Variants in TYK2 observed in about 807,000 individuals in gnomAD.
TYK2 encodes tyrosine kinase 2, also known as non-receptor tyrosine-protein kinase TYK2.
TYK2 carries 65 observed loss-of-function variants against 130.9 expected under a neutral mutation model. The ratio of observed to expected loss-of-function variants is 0.50; its 90% CI spans 0.41 to 0.61. TYK2 has a LOEUF of 0.61. TYK2 is among the 20% of genes least tolerant of loss of function. TYK2 has a pLI of 0.00. For synonymous variants in TYK2, 647 were observed against 658.9 expected, an observed-to-expected ratio of 0.98 and a Z score of 0.28; for missense variants, 1,378 against 1,610.7, an observed-to-expected ratio of 0.86 and a Z score of 2.47.
intron 3 of TYK2, among the ~76,000 whole-genome samples, chr19:10,369,178 G>C (rs994020345): frequency 2.6e-5 from 4 of 152,024 alleles, no homozygotes; most frequent in Admixed American, 2.6e-4. Context: ...ATCCTAGCCT[G>C]ACCCACATAA....
At chr19:10,357,262 G>A in intron 17 of TYK2, 1 of 546,580 alleles carries the variant, frequency 1.8e-6, no homozygotes, top group Non-Finnish European at 3.3e-6. Context: ...GGTGGCATGT[G>A]CCTGTAATCC....
intron 3 of TYK2, among the ~76,000 whole-genome samples, chr19:10,375,712 C>T (rs1421674208): frequency 2.1e-5 from 3 of 141,910 alleles, no homozygotes; most frequent in Non-Finnish European, 4.5e-5. Context: ...GTCAGGAGAT[C>T]AAGACCATCC....
At chr19:10,370,592 T>C (rs929830327) in intron 3 of TYK2, among the ~76,000 whole-genome samples, 1 of 149,692 alleles carries the variant, frequency 6.7e-6, no homozygotes, top group South Asian at 2.1e-4. Flanking sequence ...CTGAGGCAGG[T>C]GAAGCACTTG....
At chr19:10,363,093 C>T (rs981287964) in intron 9 of TYK2, among the ~76,000 whole-genome samples, 16 of 151,860 alleles carry the variant, frequency 1.1e-4, no homozygotes, top group African/African-American at 3.6e-4. Flanking sequence ...CCAGCCTGGT[C>T]TCAAATTCCT....
At chr19:10,376,848 A>T (rs1172182538) in intron 3 of TYK2, among the ~76,000 whole-genome samples, 1 of 145,332 alleles carries the variant, frequency 6.9e-6, no homozygotes, top group African/African-American at 2.6e-5. Context: ...GTGATCCACC[A>T]GCCTCAGCCT....
rs1222927505 is a variant in TYK2, at chr19:10,361,762, C to T, written c.1959+8G>A. On this transcript the variant is annotated splice_region_variant and intron_variant, in intron 13 of 24. Transcript: ENST00000525621. This position sits in a 1 kb window ranked among gnomAD's most constrained non-coding sequence, Gnocchi z 4.0. ...GACACACCCCCAGGCCTGGCCCTGC[C>T]CACTCACCAGGGCGATGTCATGGTG... 3 of 1,612,912 alleles carry T rather than the reference C, an allele frequency of 1.9e-6. No individual in the cohort carries two copies. The highest frequency in any genetic ancestry group is 2.5e-6 in the Non-Finnish European group (3 of 1,179,898).
At chr19:10,366,369 G>A (rs1222774417) in intron 6 of TYK2, 48 bp downstream of exon 6, 3 of 1,586,880 alleles carry the variant, frequency 1.9e-6, no homozygotes, top group Non-Finnish European at 2.6e-6. Context: ...CAGATGCTCA[G>A]GACATTTCCC....
chr19:10,377,568 GTGGGTGGGTGGATGGA>G (rs2042185000), intron 3 of TYK2, among the ~76,000 whole-genome samples: 1 of 49,938 alleles, frequency 2.0e-5, no homozygotes, highest in Non-Finnish European at 3.9e-5. Context: ...GGATGGATGG[GTGGGTGGGTGGATGGA>G]TGGATGGATG....
In TYK2 at chr19:10,362,196, C is replaced by T; in HGVS notation, c.1670-15G>A. On this transcript the variant is annotated splice_polypyrimidine_tract_variant and intron_variant, in intron 11 of 24. Coordinates refer to ENST00000525621, the MANE Select transcript of TYK2 (RefSeq NM_003331.5). ...ATTGGAGGTTTCTGGGGGCAGGCATCAAGTCATGGAGGGCGGGCCTGGGGG... is the reference window on the plus strand; with the variant it reads ...ATTGGAGGTTTCTGGGGGCAGGCATTAAGTCATGGAGGGCGGGCCTGGGGG... 1 of 1,613,992 alleles carries T rather than the reference C, an allele frequency of 6.2e-7. No homozygotes were observed. Among genetic ancestry groups the T allele is most frequent in the Non-Finnish European group, 8.5e-7 (1 of 1,179,990 alleles).
rs567755135 is a variant in TYK2 at position 10,369,993 on chromosome 19, G to A, written c.194-1575C>T. 191 of 322,364 alleles carry A rather than the reference G, an allele frequency of 5.9e-4. 1 individual carries two copies. Among genetic ancestry groups the A allele is most frequent in the South Asian group, 2.8e-3 (120 of 43,056 alleles). The allele number at this position is 322,364 out of a possible 1,614,324, so 20.0% of individuals were successfully genotyped here. On this transcript the variant is annotated intron_variant, in intron 3 of 24. Coordinates refer to ENST00000525621, the MANE Select transcript of TYK2 (RefSeq NM_003331.5). ...CAGGAGGTGGAACTTGCAGTGAGCC[G>A]AGATTGCGCCACTGCACTCCAGCCT... is the stretch of plus-strand genomic sequence containing the variant.
At chr19:10,376,900 CCTGA>C (rs1470839857) in intron 3 of TYK2, among the ~76,000 whole-genome samples, 4 of 152,002 alleles carry the variant, frequency 2.6e-5, no homozygotes, top group Admixed American at 6.6e-5. Context: ...CCGCGCCCGG[CCTGA>C]CTTTCTTTTT....
chr19:10,368,482 C>A (rs893933618), intron 3 of TYK2, 64 bp from the exon 4 acceptor site: 17 of 1,610,508 alleles, frequency 1.1e-5, no homozygotes, highest in Non-Finnish European at 1.4e-5. Flanking sequence ...CCAAAGACCC[C>A]CCAGACCCAA....
At chr19:10,354,471 C>G (rs764013489) in intron 19 of TYK2, 41 bp downstream of exon 19, 9 of 1,583,826 alleles carry the variant, frequency 5.7e-6, no homozygotes, top group Non-Finnish European at 7.8e-6. Flanking sequence ...AACTCCTTCC[C>G]GACCAGGCGG....
rs200858844 is a variant in TYK2, at chr19:10,365,867, G to A, written c.661C>T (p.Arg221Trp). ...FKDCIPRSFR[R>W]HIRQHSALTR... ...AGGGCGCTGTGCTGCCGGATATGCC[G>A]GCGGAAGGAGCGCGGGATGCAGTCC... The change falls in exon 7 of 25, where the codon CGG becomes TGG. Residue 221 changes from arginine (R) to tryptophan (W), a missense_variant. Coordinates refer to ENST00000525621, the MANE Select transcript of TYK2 (RefSeq NM_003331.5). The A allele has an allele frequency of 2.5e-5, 41 of 1,611,826 alleles. No individual in the cohort carries two copies. The highest frequency in any genetic ancestry group is 1.8e-4 in the East Asian group (8 of 44,842).
At chr19:10,367,089 T>C (rs1159598245) in intron 5 of TYK2, among the ~76,000 whole-genome samples, 2 of 151,412 alleles carry the variant, frequency 1.3e-5, no homozygotes, top group Non-Finnish European at 2.9e-5. Flanking sequence ...TATTTTAAGA[T>C]AGTTTATGAA....
In TYK2 at chr19:10,356,615, G is replaced by T. The variant is rs2041115053; in HGVS notation, c.2570C>A (p.Pro857Gln). The change falls in exon 18 of 25, where the codon CCA becomes CAA. Residue 857 changes from proline to glutamine, a missense_variant. Coordinates refer to ENST00000525621, the MANE Select transcript of TYK2 (RefSeq NM_003331.5). Reference protein sequence around the residue: ...QCLTYEPTQRPSFRTILRDLT... With the variant: ...QCLTYEPTQRQSFRTILRDLT... ...GTCACGCAGGATGGTGCGGAATGAT[G>T]GCCTCTGGGTTGGCTCATAGGTCAG... is the stretch of plus-strand genomic sequence containing the variant. 1 of 1,613,854 alleles carries T rather than the reference G, an allele frequency of 6.2e-7. No homozygotes were observed. Among genetic ancestry groups the T allele is most frequent in the Non-Finnish European group, 8.5e-7 (1 of 1,180,002 alleles).
intron 3 of TYK2, among the ~76,000 whole-genome samples, chr19:10,376,853 C>T (rs1055585621): frequency 6.6e-6 from 1 of 151,880 alleles, no homozygotes; most frequent in Non-Finnish European, 1.5e-5. Context: ...CCACCAGCCT[C>T]AGCCTCCCAA....
At chr19:10,377,366 GGATGGATA>G (rs1183645050) in intron 3 of TYK2, among the ~76,000 whole-genome samples, 3 of 144,934 alleles carry the variant, frequency 2.1e-5, no homozygotes, top group Non-Finnish European at 3.0e-5. Context: ...ATGGATGGAT[GGATGGATA>G]GATGGATGAA....
chr19:10,353,873 T>G lies in TYK2; in HGVS notation c.2908+169A>C. On this transcript the variant is annotated intron_variant, in intron 20 of 24. Transcript: ENST00000525621. This position sits in a 1 kb window ranked among gnomAD's most constrained non-coding sequence, Gnocchi z 6.9. Reference sequence around the variant, plus strand: ...GCCCCAGCAGGTAGCACCCCCCAGATGGGAAGGAGGCAGCCCAGCCACGCT... The same window carrying G: ...GCCCCAGCAGGTAGCACCCCCCAGAGGGGAAGGAGGCAGCCCAGCCACGCT... The G allele has an allele frequency of 1.3e-6, 1 of 784,598 alleles. No individual in the cohort carries two copies. Among genetic ancestry groups the G allele is most frequent in the Non-Finnish European group, 2.1e-6 (1 of 483,566 alleles). The allele number at this position is 784,598 out of a possible 1,614,324, so 48.6% of individuals were successfully genotyped here. A position where few individuals can be genotyped will look rare whatever the true frequency, so the allele number is the denominator to read the frequency against.
Sources: gnomAD v4.1 joint callset for allele counts (sites outside exome capture counted in the v4.1 genomes callset) on GRCh38, gnomAD v4.1.1 for gene constraint, Gnocchi (gnomAD v3.1) non-coding constraint, MANE v1.5 for transcripts, NCBI Gene and HGNC (gene_info 2026-07-23, HGNC 2026-07-21) for gene names.